Variants in KHDRBS2 observed in about 807,000 individuals in gnomAD.
KHDRBS2 encodes the protein KH RNA binding domain containing, signal transduction associated 2.
Under a neutral mutation model 44.3 loss-of-function variants are expected in KHDRBS2, and 26 were observed. The observed-to-expected ratio is 0.59, with a 90% CI of 0.43 to 0.81. The LOEUF (loss-of-function observed/expected upper bound fraction) is 0.81. Among genes scored for constraint, KHDRBS2 ranks in the 40% least tolerant of loss-of-function variants. The pLI is 0.00. For missense variants in KHDRBS2, 476 were observed against 433.1 expected (o/e 1.10, Z -0.88); for synonymous variants, 194 against 151.1 (o/e 1.28, Z -2.08).
intron 2 of KHDRBS2, among the ~76,000 whole-genome samples, chr6:62,149,663 TA>T (rs1355437735): frequency 8.5e-6 from 1 of 117,544 alleles, no homozygotes; most frequent in African/African-American, 2.5e-5. Flanking sequence ...AATTAACTGA[TA>T]TAAAAAAAGC....
Position 61,842,522 on chromosome 6 carries a change from A to G in KHDRBS2, c.810+52113T>C, listed in dbSNP as rs1187813890. ...AATTATCTAAAAAGCTGAAAAGGCC[A>G]CAGTGTGAAATAGCATTAGTATGCT... On this transcript the variant is annotated intron_variant, in intron 6 of 8. Transcript: ENST00000281156. 2.0e-5 allele frequency among the ~76,000 whole-genome samples: 3 copies of G among 152,226 alleles called. No individual in the cohort carries two copies. In the East Asian group the frequency reaches 5.8e-4, roughly 29 times the overall value.
Position 61,767,472 on chromosome 6 carries a change from T to A in KHDRBS2, c.811-34708A>T, listed in dbSNP as rs936980703. Among the ~76,000 whole-genome samples the A allele has an allele frequency of 1.1e-4, 17 of 152,254 alleles. No individual in the cohort carries two copies. The East Asian group carries it at 3.1e-3, about 28-fold the overall frequency. On this transcript the variant is annotated intron_variant, in intron 6 of 8. Coordinates refer to ENST00000281156, the MANE Select transcript of KHDRBS2 (RefSeq NM_152688.4). ...TATTTACATTCAATATTATTATTGA[T>A]AAGTAAGGATTTACTCCTAATTTGT...
At chr6:62,033,967 G>A (rs551969475) in intron 3 of KHDRBS2, among the ~76,000 whole-genome samples, 1 of 151,586 alleles carries the variant, frequency 6.6e-6, no homozygotes, top group Admixed American at 6.6e-5. Flanking sequence ...AATAAAATCA[G>A]AGATGAAAAA....
chr6:61,835,937 AT>A (rs926183819), intron 6 of KHDRBS2, among the ~76,000 whole-genome samples: 60 of 151,928 alleles, frequency 3.9e-4, no homozygotes, highest in African/African-American at 1.4e-3. Flanking sequence ...TTATTCTACT[AT>A]TTTTAAACTA....
intron 4 of KHDRBS2, among the ~76,000 whole-genome samples, chr6:61,966,825 T>C (rs1770053649): frequency 6.6e-6 from 1 of 151,978 alleles, no homozygotes; most frequent in Non-Finnish European, 1.5e-5. Flanking sequence ...CCTTCTTTTT[T>C]TCTGCCTCTC....
intron 1 of KHDRBS2, among the ~76,000 whole-genome samples, chr6:62,200,758 T>A (rs1826794805): frequency 6.6e-6 from 1 of 152,144 alleles, no homozygotes; most frequent in Admixed American, 6.5e-5. Context: ...GGATTATAAA[T>A]CATGCTGCTA....
chr6:61,736,875 A>G (rs1775445313), intron 6 of KHDRBS2, among the ~76,000 whole-genome samples: 1 of 152,060 alleles, frequency 6.6e-6, no homozygotes, highest in African/African-American at 2.4e-5. Context: ...ACCTAAACAT[A>G]TACTATATTT....
intron 4 of KHDRBS2, among the ~76,000 whole-genome samples, chr6:61,940,686 G>C (rs1811965268): frequency 6.6e-6 from 1 of 152,168 alleles, no homozygotes; most frequent in African/African-American, 2.4e-5. Flanking sequence ...CTGTCCTGGA[G>C]CCCAGTGATG....
At chr6:61,893,013 G>C (rs1320428393) in intron 6 of KHDRBS2, among the ~76,000 whole-genome samples, 1 of 151,926 alleles carries the variant, frequency 6.6e-6, no homozygotes, top group Admixed American at 6.6e-5. Context: ...TCTGACTAAG[G>C]GCTAATATCC....
intron 1 of KHDRBS2, among the ~76,000 whole-genome samples, chr6:62,256,717 A>G (rs1250474132): frequency 6.6e-6 from 1 of 152,108 alleles, no homozygotes; most frequent in Non-Finnish European, 1.5e-5. Context: ...CCAGAGGGGC[A>G]GCATTGTTAC....
At chr6:61,839,215 T>C (rs1793196154) in intron 6 of KHDRBS2, among the ~76,000 whole-genome samples, 1 of 152,146 alleles carries the variant, frequency 6.6e-6, no homozygotes, top group African/African-American at 2.4e-5. Flanking sequence ...CTCATTGCAA[T>C]ATCTACTTTT....
the KHDRBS2 span, among the ~76,000 whole-genome samples, chr6:61,669,392 A>G: frequency 1.3e-5 from 2 of 150,796 alleles, no homozygotes; most frequent in South Asian, 2.1e-4. Context: ...ATATAAACAT[A>G]CCTTATAGTA....
chr6:62,254,295 C>T (rs1475815719), intron 1 of KHDRBS2, among the ~76,000 whole-genome samples: 1 of 152,084 alleles, frequency 6.6e-6, no homozygotes, highest in Non-Finnish European at 1.5e-5. Context: ...CCCACTATTT[C>T]ATTCAACAAA....
chr6:61,773,089 C>T (rs1443579345), intron 6 of KHDRBS2, among the ~76,000 whole-genome samples: 1 of 152,032 alleles, frequency 6.6e-6, no homozygotes, highest in Non-Finnish European at 1.5e-5. Flanking sequence ...TGAATAGTGC[C>T]ACAATAAACA....
At chr6:61,671,654 A>G in the KHDRBS2 span, among the ~76,000 whole-genome samples, 3 of 151,842 alleles carry the variant, frequency 2.0e-5, no homozygotes, top group Non-Finnish European at 2.9e-5. Context: ...TTGTTACCTC[A>G]GATATTTAAT....
At chr6:61,887,412 A>T (rs1801126743) in intron 6 of KHDRBS2, among the ~76,000 whole-genome samples, 1 of 152,148 alleles carries the variant, frequency 6.6e-6, no homozygotes, top group Non-Finnish European at 1.5e-5. Flanking sequence ...GTAAAATGTA[A>T]ATTTACTCGT....
intron 2 of KHDRBS2, among the ~76,000 whole-genome samples, chr6:62,115,877 G>C (rs1371170515): frequency 6.6e-6 from 1 of 151,892 alleles, no homozygotes; most frequent in Non-Finnish European, 1.5e-5. Context: ...AAAAAGAAAG[G>C]CCCAATATTA....
In KHDRBS2 at chr6:62,148,474, C is replaced by T. The variant is rs184239650; in HGVS notation, c.219+28711G>A. On this transcript the variant is annotated intron_variant, in intron 2 of 8. Transcript: ENST00000281156. ...GCAGTATATAGCTAAACACAGAGTC[C>T]ATCATAACCACTGTGAAAGGAAAAT... Among the ~76,000 whole-genome samples, 9 of 151,956 alleles carry T rather than the reference C, an allele frequency of 5.9e-5. No individual in the cohort carries two copies. In the East Asian group the frequency reaches 1.7e-3, roughly 29 times the overall value.
At chr6:62,016,385 A>G (rs1237080202) in intron 3 of KHDRBS2, among the ~76,000 whole-genome samples, 2 of 151,866 alleles carry the variant, frequency 1.3e-5, no homozygotes, top group African/African-American at 4.8e-5. Context: ...ACTATACAAT[A>G]AGTGTTCCGA....
Sources: gnomAD v4.1 joint callset for allele counts (sites outside exome capture counted in the v4.1 genomes callset) on GRCh38, gnomAD v4.1.1 for gene constraint, MANE v1.5 for transcripts, NCBI Gene and HGNC (gene_info 2026-07-23, HGNC 2026-07-21) for gene names.